The following SLIT3 variants were observed in gnomAD, a reference collection of about 807,000 sequenced individuals.
The protein encoded by SLIT3 is slit homolog 3 protein.
In SLIT3, 68 loss-of-function variants were observed where a neutral mutation model predicts 184.0. That is an observed-to-expected ratio of 0.37 (90% CI 0.30 to 0.45). The LOEUF (loss-of-function observed/expected upper bound fraction) is 0.45. Ranked by LOEUF, SLIT3 falls within the 20% of genes least tolerant of loss-of-function variation. The pLI is 1.00. For synonymous variants in SLIT3, 831 were observed against 828.6 expected (o/e 1.00, Z -0.05); for missense variants, 1,707 against 2,026.0 (o/e 0.84, Z 3.02).
intron 4 of SLIT3, among the ~76,000 whole-genome samples, chr5:168,892,773 T>A (rs953746464): frequency 2.0e-5 from 3 of 152,242 alleles, no homozygotes; most frequent in African/African-American, 7.2e-5. Flanking sequence ...TTTGTGTTCA[T>A]GAAACAGCAT....
At position 168,696,315 on chromosome 5, in the gene SLIT3, C is replaced by T; in HGVS notation, c.3059G>A (p.Cys1020Tyr). The T allele has an allele frequency of 6.2e-7, 1 of 1,614,196 alleles. No homozygotes were observed. Among genetic ancestry groups the T allele is most frequent in the Non-Finnish European group, 8.5e-7 (1 of 1,180,020 alleles). The change falls in exon 28 of 36, where the codon TGT (cysteine) becomes TAT (tyrosine). Residue 1020 changes from cysteine (C) to tyrosine (Y), a missense_variant. Cys to Tyr is a radical substitution (Grantham distance 194). Transcript: ENST00000519560. ...TCVDGINNYV[C>Y]ICPPNYTGEL... ...ACCTGTGTAGTTAGGCGGACAGATA[C>T]ACACGTAGTTGTTGATCCCGTCCAC...
intron 4 of SLIT3, among the ~76,000 whole-genome samples, chr5:168,903,157 C>T (rs1760927226): frequency 6.6e-6 from 1 of 152,202 alleles, no homozygotes; most frequent in African/African-American, 2.4e-5. Context: ...TTCATATTTA[C>T]ATGTAAATTT....
intron 4 of SLIT3, among the ~76,000 whole-genome samples, chr5:168,958,159 C>G (rs1047800807): frequency 1.3e-5 from 2 of 152,144 alleles, no homozygotes; most frequent in Non-Finnish European, 2.9e-5. Flanking sequence ...ATTTACTCAT[C>G]ATATATTTCA....
At chr5:168,765,008 A>T (rs1279591849) in intron 14 of SLIT3, among the ~76,000 whole-genome samples, 1 of 152,198 alleles carries the variant, frequency 6.6e-6, no homozygotes. Flanking sequence ...GAGTGATGGC[A>T]CGAAGGGGCA....
intron 1 of SLIT3, among the ~76,000 whole-genome samples, chr5:169,259,407 C>T (rs1022889889): frequency 1.3e-5 from 2 of 152,158 alleles, no homozygotes; most frequent in South Asian, 2.1e-4. Flanking sequence ...TTTTCACCCA[C>T]GGGCTACAAC....
intron 4 of SLIT3, among the ~76,000 whole-genome samples, chr5:168,963,339 T>C (rs1561577017): frequency 6.6e-6 from 1 of 152,100 alleles, no homozygotes; most frequent in Non-Finnish European, 1.5e-5. Flanking sequence ...ACCCAGCTGA[T>C]TTTTGTATTT....
intron 4 of SLIT3, among the ~76,000 whole-genome samples, chr5:169,154,757 G>C (rs183711726): frequency 3.2e-4 from 49 of 152,346 alleles, no homozygotes; most frequent in Non-Finnish European, 6.0e-4. Flanking sequence ...ATAAATGTTA[G>C]TTATTACCTT....
chr5:168,985,389 G>A (rs1312843738), intron 4 of SLIT3, among the ~76,000 whole-genome samples: 3 of 152,138 alleles, frequency 2.0e-5, no homozygotes, highest in South Asian at 2.1e-4. Flanking sequence ...GAACTGCCGT[G>A]GAGCAAACCA....
intron 4 of SLIT3, among the ~76,000 whole-genome samples, chr5:168,930,928 A>G (rs932295879): frequency 1.2e-4 from 18 of 152,144 alleles, no homozygotes; most frequent in Admixed American, 1.0e-3. Flanking sequence ...AAGATGAAAC[A>G]TCCTATTTCA....
At chr5:169,066,715 TC>T (rs1172751807) in intron 4 of SLIT3, among the ~76,000 whole-genome samples, 2 of 152,120 alleles carry the variant, frequency 1.3e-5, no homozygotes, top group Non-Finnish European at 2.9e-5. Flanking sequence ...CATGGTATAC[TC>T]AAATATTTTT....
intron 35 of SLIT3, 115 bp downstream of exon 35, chr5:168,669,668 A>G (rs1761173873): frequency 1.2e-6 from 1 of 806,004 alleles, no homozygotes; most frequent in South Asian, 1.6e-5. Flanking sequence ...AAAGTGACTG[A>G]ACCAAGGTCA....
At chr5:168,887,089 G>A (rs1300581882) in intron 4 of SLIT3, among the ~76,000 whole-genome samples, 1 of 152,046 alleles carries the variant, frequency 6.6e-6, no homozygotes, top group East Asian at 1.9e-4. Flanking sequence ...TTGAAAGGCT[G>A]TCTAGTTCCA....
chr5:168,958,643 T>C (rs1762910917), intron 4 of SLIT3, among the ~76,000 whole-genome samples: 1 of 152,200 alleles, frequency 6.6e-6, no homozygotes, highest in Admixed American at 6.5e-5. Context: ...ACCACAATCT[T>C]TGACACAATC....
chr5:169,054,598 C>G (rs1221030624), intron 4 of SLIT3, among the ~76,000 whole-genome samples: 1 of 152,112 alleles, frequency 6.6e-6, no homozygotes, highest in African/African-American at 2.4e-5. Context: ...AAGTCCCTCC[C>G]CTTCTTACGA....
At chr5:169,168,939 T>C (rs1170553541) in intron 4 of SLIT3, among the ~76,000 whole-genome samples, 1 of 152,136 alleles carries the variant, frequency 6.6e-6, no homozygotes, top group Non-Finnish European at 1.5e-5. Flanking sequence ...AGCTCTATGC[T>C]CCTCTCCCTC....
intron 4 of SLIT3, among the ~76,000 whole-genome samples, chr5:169,132,400 G>A (rs1369507538): frequency 6.6e-6 from 1 of 152,122 alleles, no homozygotes; most frequent in Non-Finnish European, 1.5e-5. Context: ...TGAGGTGCCA[G>A]TTAGACATAT....
At chr5:169,144,807 C>T (rs10045782) in intron 4 of SLIT3, among the ~76,000 whole-genome samples, 29,258 of 152,154 alleles carry the variant, frequency 0.19, 3,029 homozygotes, top group Middle Eastern at 0.35. Flanking sequence ...CAGAAAAAGA[C>T]GGGCTTTGTC....
chr5:168,824,279 A>G (rs1200830220), intron 6 of SLIT3, among the ~76,000 whole-genome samples: 2 of 152,132 alleles, frequency 1.3e-5, no homozygotes, highest in Non-Finnish European at 2.9e-5. Flanking sequence ...AGCTCTGCGC[A>G]TCTCTTCTTT....
intron 4 of SLIT3, among the ~76,000 whole-genome samples, chr5:169,013,631 C>A (rs987538926): frequency 6.6e-6 from 1 of 152,260 alleles, no homozygotes; most frequent in Non-Finnish European, 1.5e-5. Flanking sequence ...CTCTTACGCC[C>A]GTTCTGAGAT....
Sources: gnomAD v4.1 joint callset for allele counts (sites outside exome capture counted in the v4.1 genomes callset) on GRCh38, gnomAD v4.1.1 for gene constraint, MANE v1.5 for transcripts, NCBI Gene and HGNC (gene_info 2026-07-23, HGNC 2026-07-21) for gene names.